The following JAG1 variants were observed in gnomAD, a reference collection of about 807,000 sequenced individuals.
The protein encoded by JAG1 is jagged canonical Notch ligand 1, also known as protein jagged-1.
JAG1 carries 23 observed loss-of-function variants against 148.7 expected under a neutral mutation model. The observed-to-expected ratio is 0.15, with a 90% CI of 0.11 to 0.22. JAG1 has a LOEUF of 0.22. Ranked by LOEUF, JAG1 falls within the 10% of genes least tolerant of loss-of-function variation. The pLI, the probability that JAG1 is intolerant of heterozygous loss-of-function variation, is 1.00. For synonymous variants in JAG1, 572 were observed against 598.3 expected (o/e 0.96, Z 0.64); for missense variants, 1,054 against 1,611.2 (o/e 0.65, Z 5.92).
At chr20:10,668,827 A>C (rs1326045538) in intron 2 of JAG1, among the ~76,000 whole-genome samples, 4 of 151,520 alleles carry the variant, frequency 2.6e-5, no homozygotes, top group Non-Finnish European at 5.9e-5. Context: ...GTTGCTGCTG[A>C]CTCTCCTTTT....
chr20:10,642,186 G>A (rs73075341), intron 21 of JAG1, among the ~76,000 whole-genome samples: 23 of 152,022 alleles, frequency 1.5e-4, no homozygotes, highest in Non-Finnish European at 2.9e-5. Context: ...GCCACTGGTC[G>A]AACTGAACCC....
intron 24 of JAG1, 26 bp from the exon 25 acceptor site, chr20:10,640,959 G>A: frequency 6.2e-7 from 1 of 1,613,696 alleles, no homozygotes. Context: ...TCAGACTTGA[G>A]AGTCAGAGGA....
chr20:10,641,968 G>T, intron 21 of JAG1, 76 bp from the exon 22 acceptor site: 1 of 953,598 alleles, frequency 1.0e-6, no homozygotes, highest in Non-Finnish European at 1.7e-6. Context: ...TCCCTGTTAT[G>T]AAATGGTTAT....
At chr20:10,653,035 C>T (rs1196097210) in intron 5 of JAG1, among the ~76,000 whole-genome samples, 2 of 152,012 alleles carry the variant, frequency 1.3e-5, no homozygotes, top group East Asian at 1.9e-4. Context: ...AAAGTCATGA[C>T]CCCAGTGCAC....
chr20:10,670,944 T>C (rs1273136476), intron 2 of JAG1, among the ~76,000 whole-genome samples: 2 of 152,260 alleles, frequency 1.3e-5, no homozygotes, highest in Admixed American at 6.5e-5. Flanking sequence ...CGCACTTTTC[T>C]AGGTCACTTT....
chr20:10,652,039 T>G (rs2067350274), intron 7 of JAG1, 92 bp downstream of exon 7: 1 of 1,434,250 alleles, frequency 7.0e-7, no homozygotes, highest in African/African-American at 1.4e-5. Flanking sequence ...ATTTTCACTT[T>G]TTTTTCCTTA....
At chr20:10,664,412 A>ACACACACAC (rs398035347) in intron 2 of JAG1, among the ~76,000 whole-genome samples, 9 of 150,848 alleles carry the variant, frequency 6.0e-5, no homozygotes, top group African/African-American at 9.9e-5. Context: ...ACACACACAC[A>ACACACACAC]AAGAATTTAT....
intron 5 of JAG1, among the ~76,000 whole-genome samples, chr20:10,653,996 T>A (rs1036236689): frequency 2.0e-5 from 3 of 151,680 alleles, no homozygotes; most frequent in Non-Finnish European, 4.4e-5. Flanking sequence ...AGGAGTAAGA[T>A]AAGAACAAAA....
At chr20:10,652,964 G>A (rs1044383131) in intron 5 of JAG1, among the ~76,000 whole-genome samples, 7 of 152,176 alleles carry the variant, frequency 4.6e-5, no homozygotes, top group Non-Finnish European at 1.0e-4. Context: ...TCGGTGACAA[G>A]AGAGCTATGC....
intron 13 of JAG1, among the ~76,000 whole-genome samples, chr20:10,647,493 A>C (rs1446806971): frequency 2.0e-5 from 3 of 152,244 alleles, no homozygotes; most frequent in African/African-American, 7.2e-5. Flanking sequence ...TGTGCTGCCT[A>C]ATACAGCAGC....
intron 13 of JAG1, chr20:10,647,364 C>T: frequency 3.7e-6 from 2 of 540,444 alleles, no homozygotes; most frequent in East Asian, 3.3e-5. Flanking sequence ...CCCCTTCATC[C>T]TACCTTTGAC....
chr20:10,645,274 AGT>A lies in JAG1; in HGVS notation c.2114-20_2114-19del. 1 of 1,611,374 alleles carries A rather than the reference AGT, an allele frequency of 6.2e-7. No individual in the cohort carries two copies. The highest frequency in any genetic ancestry group is 8.5e-7 in the Non-Finnish European group (1 of 1,177,420). On this transcript the variant is annotated intron_variant, in intron 16 of 25. Coordinates refer to ENST00000254958, the MANE Select transcript of JAG1 (RefSeq NM_000214.3). The surrounding 1 kb of genome is among the most constrained non-coding windows in gnomAD (Gnocchi z 6.1). The stretch of plus-strand genomic sequence containing the variant: ...ACTGTCACCTGGAGGAAAATATTTC[AGT>A]GTGAGTCCCAGTGGCCCCCTCCCAC...
chr20:10,652,163 G>T lies in JAG1; in HGVS notation c.974C>A (p.Pro325His). 6.2e-7 allele frequency: 1 copy of T among 1,614,014 alleles called. No individual in the cohort carries two copies. Among genetic ancestry groups the T allele is most frequent in the South Asian group, 1.1e-5 (1 of 91,078 alleles). The change falls in exon 7 of 26, where the codon CCT becomes CAT. Residue 325 changes from proline (P) to histidine (H), a missense_variant. Around this residue, in one of 6 missense-constraint regions of JAG1, gnomAD observed 104 missense variants for 235.2 expected, o/e 0.44. Transcript: ENST00000254958. ...ACAGTTGGGTCCTGAATACCCCTCA[G>T]GGCAGGAACACTGATATTTGTCAGG... ...TGPDKYQCSC[P>H]EGYSGPNCEI... is the part of the protein sequence containing the mutation.
intron 14 of JAG1, 23 bp downstream of exon 14, chr20:10,646,916 A>G: frequency 1.2e-6 from 2 of 1,613,102 alleles, no homozygotes; most frequent in African/African-American, 1.3e-5. Context: ...GCACTGGTCC[A>G]TTCCCGGATG....
At chr20:10,660,913 G>A (rs542271044) in intron 3 of JAG1, among the ~76,000 whole-genome samples, 4 of 152,338 alleles carry the variant, frequency 2.6e-5, no homozygotes, top group South Asian at 4.1e-4. Context: ...GGCCAAGGAG[G>A]AGGTGATGAA....
intron 23 of JAG1, 28 bp from the exon 24 acceptor site, chr20:10,641,272 C>A (rs756707308): frequency 1.2e-6 from 2 of 1,612,338 alleles, no homozygotes; most frequent in South Asian, 2.2e-5. Context: ...AACCCACACA[C>A]GTGTAAGATT....
rs56122797 is a variant in JAG1 at position 10,669,547 on chromosome 20, CAAAAAAAAAAAAAAAAAAAAAAAAA to C, written c.387+3129_387+3153del. 8.3e-3 allele frequency among the ~76,000 whole-genome samples: 366 copies of C among 44,210 alleles called. 7 individuals are homozygous for C. Among genetic ancestry groups the C allele is most frequent in the African/African-American group, 0.029 (335 of 11,556 alleles). 29.0% of individuals were successfully genotyped at this position (44,210 alleles called of 152,430 possible). On this transcript the variant is annotated intron_variant, in intron 2 of 25. Transcript: ENST00000254958. ...AAGAATCACGTTTCATTGGATTTTC[CAAAAAAAAAAAAAAAAAAAAAAAAA>C]AAAAAAAAAAAAAAAAGTTGATCTC...
intron 2 of JAG1, 139 bp downstream of exon 2, chr20:10,672,562 C>G: frequency 3.4e-6 from 3 of 877,176 alleles, no homozygotes; most frequent in Non-Finnish European, 5.4e-6. Flanking sequence ...GCTCCCTCAC[C>G]CGCCACCCCT....
rs745496042 is a variant in JAG1, at chr20:10,643,794, C to T, written c.2442G>A (p.Gly814=). The T allele has an allele frequency of 3.1e-6, 5 of 1,613,992 alleles. No homozygotes were observed. The South Asian group carries it at 5.5e-5, about 18-fold the overall frequency. The change falls in exon 20 of 26, where the codon GGG becomes GGA. Residue 814 remains glycine (G), a synonymous_variant. Coordinates refer to ENST00000254958, the MANE Select transcript of JAG1 (RefSeq NM_000214.3). ...YRCECAPGFA[G]PDCRININEC... is the part of the protein sequence containing the mutation. ...AGTCCTTACTTATTCTGCAGTCGGG[C>T]CCAGCAAAACCCGGGGCACATTCGC...
Sources: gnomAD v4.1 joint callset for allele counts (sites outside exome capture counted in the v4.1 genomes callset) on GRCh38, gnomAD v4.1.1 for gene constraint, gnomAD v4.1.1 regional missense constraint, Gnocchi (gnomAD v3.1) non-coding constraint, MANE v1.5 for transcripts, NCBI Gene and HGNC (gene_info 2026-07-23, HGNC 2026-07-21) for gene names.